NBAS: variants seen among roughly 807,000 people sequenced by gnomAD.
The protein encoded by NBAS is NBAS subunit of NRZ tethering complex.
In NBAS, 219 loss-of-function variants were observed where a neutral mutation model predicts 302.5. The ratio of observed to expected loss-of-function variants is 0.72; its 90% confidence interval spans 0.65 to 0.81. The LOEUF (loss-of-function observed/expected upper bound fraction) is 0.81, where lower values mean the gene tolerates loss of function less well. Among genes scored for constraint, NBAS ranks in the 30% least tolerant of loss-of-function variants. The pLI, the probability that NBAS is intolerant of heterozygous loss-of-function variation, is 0.00. For missense variants in NBAS, 2,932 were observed against 2,841.6 expected (o/e 1.03, Z -0.72); for synonymous variants, 1,118 against 1,021.6 (o/e 1.09, Z -1.80).
At chr2:15,465,314 G>A (rs1679677748) in intron 19 of NBAS, among the ~76,000 whole-genome samples, 1 of 152,176 alleles carries the variant, frequency 6.6e-6, no homozygotes, top group Non-Finnish European at 1.5e-5. Context: ...TGAAAGGCCA[G>A]CTATTACTTC....
At chr2:15,034,285 A>G in the NBAS span, among the ~76,000 whole-genome samples, 1 of 101,768 alleles carries the variant, frequency 9.8e-6, no homozygotes, top group Non-Finnish European at 2.0e-5. Context: ...AGAGAGAAAG[A>G]AAGAAAGAAA....
the NBAS span, among the ~76,000 whole-genome samples, chr2:15,131,525 T>A: frequency 6.6e-6 from 1 of 152,252 alleles, no homozygotes; most frequent in African/African-American, 2.4e-5. Context: ...GGTATATGAA[T>A]GTTTTTAGAA....
chr2:14,915,710 C>T, the NBAS span, among the ~76,000 whole-genome samples: 1 of 152,120 alleles, frequency 6.6e-6, no homozygotes, highest in Non-Finnish European at 1.5e-5. Context: ...CTACAGGCAC[C>T]TGCCACCACA....
chr2:15,287,055 T>A lies in NBAS; in HGVS notation c.5138+18A>T, dbSNP rs528129074. ...AGAAAGACATGGAAACAAACGTACATATGAACTGTGTGCTTACCCACTGTC... is the reference window on the plus strand; with the variant it reads ...AGAAAGACATGGAAACAAACGTACAAATGAACTGTGTGCTTACCCACTGTC... On this transcript the variant is annotated intron_variant, in intron 42 of 51. Coordinates refer to ENST00000281513, the MANE Select transcript of NBAS (RefSeq NM_015909.4). 2 of 1,550,654 alleles carry A rather than the reference T, an allele frequency of 1.3e-6. No homozygotes were observed. Among genetic ancestry groups the A allele is most frequent in the South Asian group, 2.2e-5 (2 of 89,762 alleles).
Position 15,456,795 on chromosome 2 carries a change from G to A in NBAS, c.2339+4406C>T, listed in dbSNP as rs559644097. ...TAAATGCTAGGAAGAAAATAAAGCA[G>A]AGAAGGAAGATTTAAAATGAGAGTA... On this transcript the variant is annotated intron_variant, in intron 21 of 51. Transcript: ENST00000281513. 7.7e-4 allele frequency among the ~76,000 whole-genome samples: 117 copies of A among 152,280 alleles called. 1 individual carries two copies. The South Asian group carries it at 0.01, about 13-fold the overall frequency.
chr2:15,350,734 G>A (rs939249580), intron 35 of NBAS, among the ~76,000 whole-genome samples: 2 of 152,188 alleles, frequency 1.3e-5, no homozygotes, highest in Non-Finnish European at 2.9e-5. Flanking sequence ...TCAAAAAGAG[G>A]ATCTCTCCTG....
chr2:15,055,164 A>G, the NBAS span, among the ~76,000 whole-genome samples: 2 of 152,194 alleles, frequency 1.3e-5, no homozygotes, highest in Non-Finnish European at 2.9e-5. Context: ...AAGCAAGGGG[A>G]AATCACGAAC....
In NBAS at chr2:15,282,040, A is replaced by G. The variant is rs114510428; in HGVS notation, c.5139-4939T>C. Among the ~76,000 whole-genome samples, 762 of 152,326 alleles carry G rather than the reference A, an allele frequency of 5.0e-3. 9 individuals are homozygous for G. Among genetic ancestry groups the G allele is most frequent in the African/African-American group, 0.018 (736 of 41,578 alleles). ...CAAAAGAAAGAGCAAAACCAAATTT[A>G]GGGCTCAATTTTAACAACTGTGTAA... On this transcript the variant is annotated intron_variant, in intron 42 of 51. Transcript: ENST00000281513.
At chr2:14,855,415 T>A in the NBAS span, among the ~76,000 whole-genome samples, 3 of 151,866 alleles carry the variant, frequency 2.0e-5, no homozygotes, top group Non-Finnish European at 4.4e-5. Flanking sequence ...GTCTTGTACC[T>A]TAAGTACTAA....
the NBAS span, among the ~76,000 whole-genome samples, chr2:15,052,400 T>C: frequency 7.9e-5 from 12 of 152,204 alleles, no homozygotes; most frequent in Admixed American, 7.9e-4. Context: ...TCCCCACTCA[T>C]GGATTTCTGA....
chr2:15,273,058 C>CA (rs1013315684), intron 44 of NBAS, among the ~76,000 whole-genome samples: 1 of 152,138 alleles, frequency 6.6e-6, no homozygotes, highest in Non-Finnish European at 1.5e-5. Context: ...CACACACGCT[C>CA]ACGATTAGCA....
At chr2:14,861,607 G>C in the NBAS span, among the ~76,000 whole-genome samples, 1 of 152,204 alleles carries the variant, frequency 6.6e-6, no homozygotes, top group African/African-American at 2.4e-5. Context: ...GTACTCCTTT[G>C]AGAAATCTCA....
At chr2:15,333,384 C>G (rs1422926549) in intron 35 of NBAS, among the ~76,000 whole-genome samples, 1 of 152,062 alleles carries the variant, frequency 6.6e-6, no homozygotes, top group Non-Finnish European at 1.5e-5. Context: ...GACCTATAAA[C>G]CACGCCAAAG....
At chr2:15,064,465 T>C in the NBAS span, among the ~76,000 whole-genome samples, 1 of 151,946 alleles carries the variant, frequency 6.6e-6, no homozygotes, top group African/African-American at 2.4e-5. Context: ...GACTGAATTA[T>C]AAAGAAATAA....
chr2:15,198,103 C>G (rs903246693), intron 48 of NBAS, among the ~76,000 whole-genome samples: 4 of 152,040 alleles, frequency 2.6e-5, no homozygotes, highest in African/African-American at 9.7e-5. Flanking sequence ...CATATAAAAC[C>G]ACAGGAAGAA....
At chr2:15,175,491 C>T (rs1000386098) in intron 51 of NBAS, among the ~76,000 whole-genome samples, 1 of 152,216 alleles carries the variant, frequency 6.6e-6, no homozygotes, top group African/African-American at 2.4e-5. Flanking sequence ...CAAGAGGCTT[C>T]CATCCAAACA....
At chr2:15,518,453 T>C (rs2287274) in intron 9 of NBAS, among the ~76,000 whole-genome samples, 80,307 of 152,042 alleles carry the variant, frequency 0.53, 23,876 homozygotes, top group Non-Finnish European at 0.67. Context: ...ATATACAGAA[T>C]ATTTGACTTT....
At chr2:14,891,809 A>G in the NBAS span, among the ~76,000 whole-genome samples, 1 of 152,194 alleles carries the variant, frequency 6.6e-6, no homozygotes, top group Non-Finnish European at 1.5e-5. Flanking sequence ...CCTTCAACCA[A>G]GAGAATCTGG....
chr2:15,088,537 G>A, the NBAS span, among the ~76,000 whole-genome samples: 3 of 152,242 alleles, frequency 2.0e-5, no homozygotes, highest in East Asian at 3.9e-4. Context: ...TAGATATAAA[G>A]TTTCTCAGGG....
Sources: gnomAD v4.1 joint callset for allele counts (sites outside exome capture counted in the v4.1 genomes callset) on GRCh38, gnomAD v4.1.1 for gene constraint, MANE v1.5 for transcripts, NCBI Gene and HGNC (gene_info 2026-07-23, HGNC 2026-07-21) for gene names.